Variants in ZNF282 observed in about 807,000 individuals in gnomAD.
ZNF282 encodes the protein HTLV-I U5 repressive element-binding protein 1.
A neutral mutation model predicts 61.9 loss-of-function variants in ZNF282; 30 were observed. The ratio of observed to expected loss-of-function variants is 0.48; its 90% CI spans 0.36 to 0.66. ZNF282 has a LOEUF of 0.66. ZNF282 is among the 30% of genes least tolerant of loss of function. ZNF282 has a pLI of 0.00. For synonymous variants in ZNF282, 396 were observed against 405.0 expected (o/e 0.98, Z 0.27); for missense variants, 788 against 941.4 (o/e 0.84, Z 2.13).
rs1796069311 is a variant in ZNF282, at chr7:149,210,655, G to T, written c.903G>T (p.Arg301=). Residue 301 remains arginine, a synonymous_variant, in exon 5 of 8, where the codon CGG becomes CGT. Coordinates refer to ENST00000610704, the MANE Select transcript of ZNF282 (RefSeq NM_003575.4). ...QVKREDTLCV[R]GQRGLEERAI... is the part of the protein sequence containing the mutation. ...AGCGTGAGGACACCCTGTGTGTCCG[G>T]GGTCAGCGGGGCCTGGAGGAAAGAG... 5 of 1,610,866 alleles carry T rather than the reference G, an allele frequency of 3.1e-6. No homozygotes were observed. Among genetic ancestry groups the T allele is most frequent in the Non-Finnish European group, 4.2e-6 (5 of 1,178,976 alleles).
chr7:149,207,347 C>G lies in ZNF282; in HGVS notation c.713-4C>G. On this transcript the variant is annotated splice_region_variant and splice_polypyrimidine_tract_variant and intron_variant, in intron 3 of 7. Transcript: ENST00000610704. The stretch of plus-strand genomic sequence containing the variant: ...GCCTTTCCCTCCCTCCTCCTCACTT[C>G]CAGACGCGGAGGGCTCAGTCCCCAA... 6.3e-7 allele frequency: 1 copy of G among 1,587,102 alleles called. No individual in the cohort carries two copies. Among genetic ancestry groups the G allele is most frequent in the African/African-American group, 1.3e-5 (1 of 74,376 alleles).
chr7:149,210,144 G>A (rs967826536), intron 4 of ZNF282, among the ~76,000 whole-genome samples: 4 of 152,052 alleles, frequency 2.6e-5, no homozygotes, highest in African/African-American at 9.7e-5. Context: ...ACGTGTGTGT[G>A]CATCTGGCCT....
At chr7:149,207,201 C>CAATGTTCTTCATAAG in intron 3 of ZNF282, 150 bp from the exon 4 acceptor site, 5 of 1,000,672 alleles carry the variant, frequency 5.0e-6, no homozygotes, top group Non-Finnish European at 7.1e-6. Context: ...GACTCGTTTT[C>CAATGTTCTTCATAAG]AGATTACCCG....
chr7:149,196,983 C>G (rs960674101), intron 1 of ZNF282, among the ~76,000 whole-genome samples: 1 of 152,158 alleles, frequency 6.6e-6, no homozygotes, highest in Non-Finnish European at 1.5e-5. Flanking sequence ...CTGCAGCCAT[C>G]GGGAGGACAG....
At chr7:149,207,287 T>G (rs1022645709) in intron 3 of ZNF282, 64 bp from the exon 4 acceptor site, 2 of 1,541,438 alleles carry the variant, frequency 1.3e-6, no homozygotes, top group East Asian at 2.4e-5. Flanking sequence ...GAGTTCTCCC[T>G]TCCCCTTGCT....
intron 7 of ZNF282, among the ~76,000 whole-genome samples, chr7:149,219,386 T>C (rs1425337479): frequency 3.3e-5 from 5 of 152,214 alleles, no homozygotes; most frequent in Non-Finnish European, 7.3e-5. Flanking sequence ...ATCTTAGCTC[T>C]GAGCATGGCA....
At position 149,224,416 on chromosome 7, in the gene ZNF282, G is replaced by A. The variant is rs374213944; in HGVS notation, c.1785G>A (p.Leu595=). ...AGCACCTGCAGAACCACCAGCGGCT[G>A]CACACGGGCGAGCGGCCTTTCCAAT... ...RKEHLQNHQR[L]HTGERPFQCA... Residue 595 remains leucine, a synonymous_variant, in exon 8 of 8, where the codon CTG becomes CTA. Coordinates refer to ENST00000610704, the MANE Select transcript of ZNF282 (RefSeq NM_003575.4). The A allele has an allele frequency of 1.2e-5, 20 of 1,613,802 alleles. No homozygotes were observed. Among genetic ancestry groups the A allele is most frequent in the Admixed American group, 5.0e-5 (3 of 60,000 alleles).
At chr7:149,209,938 A>G (rs147615499) in intron 4 of ZNF282, among the ~76,000 whole-genome samples, 18 of 152,292 alleles carry the variant, frequency 1.2e-4, no homozygotes, top group Admixed American at 2.0e-4. Flanking sequence ...CATCAATGTT[A>G]TAACTAAACA....
chr7:149,219,939 A>C (rs1343636297), intron 7 of ZNF282, among the ~76,000 whole-genome samples: 1 of 152,194 alleles, frequency 6.6e-6, no homozygotes, highest in African/African-American at 2.4e-5. Context: ...GGTAAGGGCA[A>C]GTGCAGTGAC....
At chr7:149,206,342 G>T (rs1450722383) in intron 2 of ZNF282, among the ~76,000 whole-genome samples, 2 of 152,126 alleles carry the variant, frequency 1.3e-5, no homozygotes, top group Non-Finnish European at 2.9e-5. Context: ...ACTCTACCTG[G>T]CTCACGGATA....
intron 7 of ZNF282, among the ~76,000 whole-genome samples, chr7:149,214,446 G>T (rs181526458): frequency 6.6e-6 from 1 of 152,154 alleles, no homozygotes; most frequent in Non-Finnish European, 1.5e-5. Flanking sequence ...ACCCTTTATG[G>T]CAGGGAGGGG....
At chr7:149,199,934 T>C (rs886435837) in intron 2 of ZNF282, among the ~76,000 whole-genome samples, 3 of 152,142 alleles carry the variant, frequency 2.0e-5, no homozygotes, top group African/African-American at 4.8e-5. Context: ...ACCACCACCA[T>C]AGTAAAAGCT....
At chr7:149,213,855 G>A in intron 7 of ZNF282, 41 bp downstream of exon 7, 2 of 1,478,892 alleles carry the variant, frequency 1.4e-6, no homozygotes, top group Non-Finnish European at 1.9e-6. Flanking sequence ...TTTCTTCTCT[G>A]GAGCTGTACA....
chr7:149,213,937 C>A, intron 7 of ZNF282, 123 bp downstream of exon 7: 1 of 646,680 alleles, frequency 1.5e-6, no homozygotes. Context: ...TTGATGGCAG[C>A]GTTTCAAAGT....
intron 6 of ZNF282, among the ~76,000 whole-genome samples, chr7:149,212,975 A>G (rs1796110490): frequency 6.6e-6 from 1 of 152,230 alleles, no homozygotes. Context: ...ATTTTCTGGA[A>G]TTTCTCTTGA....
chr7:149,198,433 C>T lies in ZNF282; in HGVS notation c.266C>T (p.Pro89Leu). Residue 89 changes from proline (P) to leucine (L), a missense_variant, in exon 2 of 8, where the codon CCC becomes CTC. By Grantham distance (98) the Pro-to-Leu change is moderately conservative (BLOSUM62 -3). This residue lies in a region of ZNF282 where 137 missense variants were observed against 135.4 expected (regional missense o/e 1.01). Coordinates refer to ENST00000610704, the MANE Select transcript of ZNF282 (RefSeq NM_003575.4). The surrounding 1 kb of genome is among the most constrained non-coding windows in gnomAD (Gnocchi z 4.3). ...TTCCCCGACCGCATGATGCGAGAGC[C>T]CCAGTTGCCCACAGCAGAGATCTCA... The part of the protein sequence containing the change: ...PVFPDRMMRE[P>L]QLPTAEISLW... The T allele has an allele frequency of 1.9e-6, 3 of 1,614,194 alleles. No homozygotes were observed. Among genetic ancestry groups the T allele is most frequent in the Non-Finnish European group, 8.5e-7 (1 of 1,180,036 alleles).
intron 4 of ZNF282, among the ~76,000 whole-genome samples, chr7:149,209,035 A>AAAAAAAAAAG (rs1796041228): frequency 7.6e-6 from 1 of 130,802 alleles, no homozygotes; most frequent in Non-Finnish European, 1.6e-5. Flanking sequence ...AAAAAAAAAG[A>AAAAAAAAAAG]GGGCCGGGCG....
At chr7:149,213,920 T>G in intron 7 of ZNF282, 106 bp downstream of exon 7, 3 of 722,170 alleles carry the variant, frequency 4.2e-6, no homozygotes, top group Non-Finnish European at 4.6e-6. Context: ...CGTAGGGTGA[T>G]GTTCTGTTGA....
intron 7 of ZNF282, among the ~76,000 whole-genome samples, chr7:149,217,194 A>G (rs1228747631): frequency 2.0e-5 from 3 of 152,278 alleles, no homozygotes; most frequent in East Asian, 3.9e-4. Flanking sequence ...TTTAGCAGGT[A>G]TTTACTTAAT....
Sources: allele counts gnomAD v4.1 joint callset (sites outside exome capture counted in the v4.1 genomes callset), GRCh38; gene constraint gnomAD v4.1.1; regional missense constraint gnomAD v4.1.1; non-coding constraint Gnocchi (gnomAD v3.1); transcripts MANE v1.5; gene names NCBI Gene and HGNC (gene_info 2026-07-23, HGNC 2026-07-21).